The following ARHGAP15 variants were observed in gnomAD, a reference collection of about 807,000 sequenced individuals.
ARHGAP15 encodes the protein rho GTPase-activating protein 15.
Under a neutral mutation model 63.7 loss-of-function variants are expected in ARHGAP15, and 51 were observed. The observed-to-expected ratio is 0.80, with a 90% CI of 0.64 to 1.01. The LOEUF (loss-of-function observed/expected upper bound fraction) is 1.01. Among genes scored for constraint, ARHGAP15 ranks in the 50% least tolerant of loss-of-function variants. The probability of loss-of-function intolerance (pLI) is 0.00; values close to 1 mark genes in which losing one functional copy is unlikely to be tolerated. For missense variants in ARHGAP15, 560 were observed against 564.6 expected (o/e 0.99, Z 0.08); for synonymous variants, 191 against 193.8 (o/e 0.99, Z 0.12).
intron 6 of ARHGAP15, among the ~76,000 whole-genome samples, chr2:143,400,231 G>T (rs1687933869): frequency 2.0e-5 from 3 of 152,110 alleles, no homozygotes; most frequent in Admixed American, 2.0e-4. Flanking sequence ...GTGGGTTACA[G>T]ATTTTATCAT....
chr2:143,249,591 T>G (rs545918661), intron 5 of ARHGAP15, among the ~76,000 whole-genome samples: 1 of 152,128 alleles, frequency 6.6e-6, no homozygotes, highest in Admixed American at 6.6e-5. Flanking sequence ...AATTTATCTG[T>G]GGAGAAACTT....
intron 6 of ARHGAP15, among the ~76,000 whole-genome samples, chr2:143,379,471 G>T (rs1371128461): frequency 7.1e-6 from 1 of 140,156 alleles, no homozygotes; most frequent in South Asian, 2.3e-4. Context: ...TAACAAGGTG[G>T]TTTTTAGGCA....
chr2:143,462,136 G>A (rs902388803), intron 8 of ARHGAP15, among the ~76,000 whole-genome samples: 11 of 152,202 alleles, frequency 7.2e-5, no homozygotes, highest in African/African-American at 2.6e-4. Flanking sequence ...CTCCAGCCTG[G>A]GCAATAGAGC....
intron 6 of ARHGAP15, among the ~76,000 whole-genome samples, chr2:143,379,545 G>A (rs1368997919): frequency 6.6e-6 from 1 of 150,384 alleles, no homozygotes; most frequent in Non-Finnish European, 1.5e-5. Flanking sequence ...GAGAGAGAGA[G>A]AATCAGCTTC....
intron 11 of ARHGAP15, among the ~76,000 whole-genome samples, chr2:143,565,070 A>G (rs1173468138): frequency 1.3e-5 from 2 of 152,228 alleles, no homozygotes; most frequent in Non-Finnish European, 2.9e-5. Context: ...CACATAGGAA[A>G]TCATACTTAA....
intron 11 of ARHGAP15, among the ~76,000 whole-genome samples, chr2:143,580,505 A>G (rs1455704240): frequency 6.6e-6 from 1 of 151,998 alleles, no homozygotes; most frequent in Non-Finnish European, 1.5e-5. Flanking sequence ...TGTATTCTGG[A>G]TCTCTTCTTT....
At position 143,370,460 on chromosome 2, in the gene ARHGAP15, G is replaced by T. The variant is rs111584499; in HGVS notation, c.475-65141G>T. On this transcript the variant is annotated intron_variant, in intron 6 of 13. Transcript: ENST00000295095. ...ACATGTATACATATGTAACTAACCT[G>T]CACATTGTGCACATGTACCCTAAAA... 7.0e-4 allele frequency among the ~76,000 whole-genome samples: 106 copies of T among 152,112 alleles called. 1 individual carries two copies. Among genetic ancestry groups the T allele is most frequent in the African/African-American group, 2.4e-3 (99 of 41,492 alleles).
chr2:143,317,212 T>C (rs761491597), intron 6 of ARHGAP15, among the ~76,000 whole-genome samples: 6,840 of 152,204 alleles, frequency 0.045, no homozygotes, highest in Non-Finnish European at 0.066. Flanking sequence ...CCAGTGCCTA[T>C]AAGAGTACCA....
intron 9 of ARHGAP15, among the ~76,000 whole-genome samples, chr2:143,497,617 A>G (rs1474537014): frequency 6.6e-6 from 1 of 152,192 alleles, no homozygotes; most frequent in South Asian, 2.1e-4. Context: ...TACGAACAGT[A>G]TCCAAAGCCA....
intron 13 of ARHGAP15, among the ~76,000 whole-genome samples, chr2:143,729,180 C>T (rs1203448051): frequency 7.9e-5 from 12 of 152,156 alleles, no homozygotes. Flanking sequence ...ATGAAGGACC[C>T]AAGCAAGAAC....
At chr2:143,186,414 C>A (rs939950192) in intron 2 of ARHGAP15, among the ~76,000 whole-genome samples, 1 of 152,066 alleles carries the variant, frequency 6.6e-6, no homozygotes, top group African/African-American at 2.4e-5. Flanking sequence ...TTACAAAATT[C>A]GTTTATATTA....
intron 10 of ARHGAP15, among the ~76,000 whole-genome samples, chr2:143,548,530 T>G (rs1695423895): frequency 6.6e-6 from 1 of 152,024 alleles, no homozygotes; most frequent in African/African-American, 2.4e-5. Context: ...AAAAAAATCC[T>G]TCTCTTAGTG....
At chr2:143,564,717 G>GTAA (rs907136357) in intron 11 of ARHGAP15, among the ~76,000 whole-genome samples, 1 of 152,110 alleles carries the variant, frequency 6.6e-6, no homozygotes, top group African/African-American at 2.4e-5. Flanking sequence ...ATTGATTAAT[G>GTAA]TAATAATGTT....
intron 1 of ARHGAP15, among the ~76,000 whole-genome samples, chr2:143,153,827 CTT>C (rs1558779342): frequency 0.038 from 3,439 of 89,790 alleles, 162 homozygotes; most frequent in Middle Eastern, 0.073. Context: ...TCTTCTTCTT[CTT>C]CTTCTTCTTC....
intron 10 of ARHGAP15, among the ~76,000 whole-genome samples, chr2:143,541,573 C>G (rs1374132810): frequency 2.0e-5 from 3 of 151,968 alleles, no homozygotes; most frequent in Non-Finnish European, 4.4e-5. Flanking sequence ...TGTCCTTTCT[C>G]TTTGTTAGTT....
intron 6 of ARHGAP15, among the ~76,000 whole-genome samples, chr2:143,401,453 C>T (rs1226192180): frequency 6.6e-6 from 1 of 151,984 alleles, no homozygotes; most frequent in African/African-American, 2.4e-5. Flanking sequence ...CATACAGCCA[C>T]TGATTCAACA....
intron 6 of ARHGAP15, among the ~76,000 whole-genome samples, chr2:143,267,203 C>A (rs1022098947): frequency 5.3e-5 from 8 of 152,152 alleles, no homozygotes; most frequent in African/African-American, 1.9e-4. Flanking sequence ...ATTCAGATCA[C>A]CTGCTCAATC....
intron 12 of ARHGAP15, among the ~76,000 whole-genome samples, chr2:143,675,663 T>C (rs1682789484): frequency 6.6e-6 from 1 of 152,180 alleles, no homozygotes; most frequent in Non-Finnish European, 1.5e-5. Flanking sequence ...GCAGTAGGAC[T>C]CAACAGAGGG....
chr2:143,285,636 A>C (rs1682056923), intron 6 of ARHGAP15, among the ~76,000 whole-genome samples: 1 of 152,168 alleles, frequency 6.6e-6, no homozygotes, highest in South Asian at 2.1e-4. Context: ...ATTTTGTGAA[A>C]AGAGGATACA....
Sources: allele counts gnomAD v4.1 joint callset (sites outside exome capture counted in the v4.1 genomes callset), GRCh38; gene constraint gnomAD v4.1.1; transcripts MANE v1.5; gene names NCBI Gene and HGNC (gene_info 2026-07-23, HGNC 2026-07-21).